EPC2: variants seen among roughly 807,000 people sequenced by gnomAD.
EPC2 encodes enhancer of polycomb 2, also known as enhancer of polycomb homolog 2.
In EPC2, 14 loss-of-function variants were observed where a neutral mutation model predicts 92.1. That is an observed-to-expected ratio of 0.15 (90% CI 0.10 to 0.24). The LOEUF is 0.24. EPC2 is among the 10% of genes least tolerant of loss of function. EPC2 has a pLI of 1.00. For missense variants in EPC2, 755 were observed against 971.5 expected (o/e 0.78, Z 2.96); for synonymous variants, 340 against 334.7 (o/e 1.02, Z -0.17).
At chr2:148,658,619 A>G (rs975409456) in intron 1 of EPC2, among the ~76,000 whole-genome samples, 10 of 150,804 alleles carry the variant, frequency 6.6e-5, no homozygotes, top group African/African-American at 9.7e-5. Context: ...ATATATATAT[A>G]TATATATATA....
At chr2:148,763,308 C>A (rs1683337728) in intron 6 of EPC2, among the ~76,000 whole-genome samples, 1 of 152,076 alleles carries the variant, frequency 6.6e-6, no homozygotes, top group Admixed American at 6.6e-5. Context: ...ATTTCTGGGT[C>A]ACAGTTTCTT....
chr2:148,677,739 G>A (rs1681298387), intron 1 of EPC2, among the ~76,000 whole-genome samples: 1 of 152,036 alleles, frequency 6.6e-6, no homozygotes, highest in African/African-American at 2.4e-5. Flanking sequence ...TGGTGGGTTC[G>A]TGGTCTCGCT....
chr2:148,658,259 A>G (rs1224015961), intron 1 of EPC2, among the ~76,000 whole-genome samples: 1 of 152,176 alleles, frequency 6.6e-6, no homozygotes, highest in Admixed American at 6.6e-5. Context: ...CATGAGGCAC[A>G]TGACAGTCTT....
intron 1 of EPC2, among the ~76,000 whole-genome samples, chr2:148,685,732 A>C (rs879791892): frequency 1.3e-5 from 2 of 152,226 alleles, no homozygotes; most frequent in Non-Finnish European, 2.9e-5. Flanking sequence ...GCGCCACTGC[A>C]CTCTAGCCTG....
intron 2 of EPC2, among the ~76,000 whole-genome samples, chr2:148,708,865 A>T (rs888336764): frequency 6.6e-6 from 1 of 152,206 alleles, no homozygotes; most frequent in Non-Finnish European, 1.5e-5. Context: ...AGAGCTATTT[A>T]TGACAAACCC....
chr2:148,771,223 A>G lies in EPC2; in HGVS notation c.1556A>G (p.Asn519Ser), dbSNP rs1408812375. The change falls in exon 10 of 14, where the codon AAT becomes AGT. Residue 519 changes from asparagine (N) to serine (S), a missense_variant. Transcript: ENST00000258484. The part of the protein sequence containing the change: ...NRLSLSEILS[N>S]IRSCRLQCFQ... The stretch of plus-strand genomic sequence containing the variant: ...CTGTCTCTTTCTGAAATATTAAGCA[A>G]TATCAGATCATGTCGACTACAGTGT... The G allele has an allele frequency of 1.9e-6, 3 of 1,613,956 alleles. No homozygotes were observed. The highest frequency in any genetic ancestry group is 1.7e-5 in the Admixed American group (1 of 60,020).
chr2:148,746,988 A>G (rs1383448515), intron 3 of EPC2, among the ~76,000 whole-genome samples: 5 of 152,198 alleles, frequency 3.3e-5, no homozygotes, highest in African/African-American at 9.6e-5. Flanking sequence ...TTTAAAAATC[A>G]CAAGCCATCT....
chr2:148,746,634 A>G (rs552243399), intron 3 of EPC2, among the ~76,000 whole-genome samples: 18 of 152,142 alleles, frequency 1.2e-4, no homozygotes, highest in Admixed American at 5.2e-4. Flanking sequence ...TTTTGAGTCA[A>G]TTGACAATAT....
chr2:148,689,277 C>T (rs1232060336), intron 1 of EPC2, among the ~76,000 whole-genome samples: 2 of 151,180 alleles, frequency 1.3e-5, no homozygotes, highest in Non-Finnish European at 2.9e-5. Flanking sequence ...CCTGGGTTCA[C>T]GCCATTCTCC....
intron 10 of EPC2, among the ~76,000 whole-genome samples, chr2:148,771,826 T>C (rs1683527275): frequency 6.6e-6 from 1 of 151,048 alleles, no homozygotes; most frequent in Admixed American, 6.6e-5. Context: ...TTAGATGGAG[T>C]CTCGCTGTGT....
chr2:148,758,541 G>A (rs533321900), intron 4 of EPC2, among the ~76,000 whole-genome samples: 4 of 151,990 alleles, frequency 2.6e-5, no homozygotes, highest in Non-Finnish European at 5.9e-5. Flanking sequence ...GACTACAGGC[G>A]CTTGCCACCA....
chr2:148,737,232 A>G (rs1411929166), intron 2 of EPC2, among the ~76,000 whole-genome samples: 1 of 152,232 alleles, frequency 6.6e-6, no homozygotes, highest in Non-Finnish European at 1.5e-5. Flanking sequence ...GTAGAACCCA[A>G]GTGACAATTG....
chr2:148,704,439 T>G (rs548920763), intron 2 of EPC2, among the ~76,000 whole-genome samples: 1 of 152,290 alleles, frequency 6.6e-6, no homozygotes, highest in Non-Finnish European at 1.5e-5. Context: ...AGACAGATAG[T>G]GGTGATTATG....
chr2:148,719,418 A>G (rs1682323935), intron 2 of EPC2, among the ~76,000 whole-genome samples: 1 of 151,718 alleles, frequency 6.6e-6, no homozygotes, highest in Admixed American at 6.6e-5. Flanking sequence ...TTTGGGTGGT[A>G]TTTTGTGGTT....
intron 3 of EPC2, among the ~76,000 whole-genome samples, chr2:148,748,733 A>C (rs1398559117): frequency 6.8e-6 from 1 of 147,916 alleles, no homozygotes; most frequent in African/African-American, 2.7e-5. Flanking sequence ...AATGAAACAA[A>C]GTTTTGACTG....
intron 2 of EPC2, among the ~76,000 whole-genome samples, chr2:148,730,568 G>C (rs1682596363): frequency 6.6e-6 from 1 of 152,170 alleles, no homozygotes. Flanking sequence ...CTGATGATCA[G>C]GCCCAGTAAC....
intron 2 of EPC2, among the ~76,000 whole-genome samples, chr2:148,721,293 A>G (rs1682368867): frequency 6.6e-6 from 1 of 150,978 alleles, no homozygotes; most frequent in East Asian, 1.9e-4. Context: ...GGGTATTTTC[A>G]CAGAGTGCAG....
intron 1 of EPC2, among the ~76,000 whole-genome samples, chr2:148,679,818 A>AT (rs530606936): frequency 1.0e-3 from 156 of 152,104 alleles, no homozygotes; most frequent in African/African-American, 3.5e-3. Flanking sequence ...GCTAATTTTT[A>AT]TTTTTTTAAT....
chr2:148,747,344 C>T (rs35519473), intron 3 of EPC2, among the ~76,000 whole-genome samples: 27,725 of 151,908 alleles, frequency 0.18, 3,263 homozygotes, highest in East Asian at 0.49. Flanking sequence ...CTAAACCCTT[C>T]CTAACTCTTC....
Sources: allele counts gnomAD v4.1 joint callset (sites outside exome capture counted in the v4.1 genomes callset), GRCh38; gene constraint gnomAD v4.1.1; transcripts MANE v1.5; gene names NCBI Gene and HGNC (gene_info 2026-07-23, HGNC 2026-07-21).